Variants in BCOR observed in about 807,000 individuals in gnomAD.
BCOR encodes the protein BCL-6 corepressor.
In BCOR, 10 loss-of-function variants were observed where a neutral mutation model predicts 86.7. The observed-to-expected ratio is 0.12, with a 90% CI of 0.07 to 0.20. The LOEUF (loss-of-function observed/expected upper bound fraction) is 0.20, where lower values mean the gene tolerates loss of function less well. BCOR is among the 10% of genes least tolerant of loss of function. BCOR has a pLI of 1.00. For synonymous variants in BCOR, 611 were observed against 609.0 expected (o/e 1.00, Z -0.05); for missense variants, 1,259 against 1,452.1 (o/e 0.87, Z 2.16).
At chrX:40,172,909 T>C (rs1938660646) in intron 1 of BCOR, among the ~76,000 whole-genome samples, 1 of 112,870 alleles carries the variant, frequency 8.9e-6, no homozygotes, top group African/African-American at 3.2e-5. Flanking sequence ...CCCAGTCACC[T>C]CCGGCGGACG....
chrX:40,116,724 A>G (rs933949584), intron 1 of BCOR, among the ~76,000 whole-genome samples: 1 of 111,906 alleles, frequency 8.9e-6, no homozygotes, highest in Non-Finnish European at 1.9e-5. Context: ...TACTCTGCCA[A>G]TTGCACAAGT....
chrX:40,146,599 A>C (rs1938061037), intron 1 of BCOR: 1 of 112,457 alleles, frequency 8.9e-6, no homozygotes, highest in Admixed American at 9.2e-5. Context: ...AGCGATCAGC[A>C]GCTCTGCACG....
chrX:40,074,919 T>C lies in BCOR; in HGVS notation c.427A>G (p.Asn143Asp), dbSNP rs1446473852. The change falls in exon 4 of 15, where the codon AAT (asparagine) becomes GAT (aspartate). Residue 143 changes from asparagine to aspartate, a missense_variant. By Grantham distance (23) the Asn-to-Asp change is conservative. Transcript: ENST00000378444. ...GTTTTGTATATAGCACTGAAGCCAT[T>C]TGGGGGTTTTCCAGAGACGGCAGAA... ...EASAVSGKPPNGFSAIYKTPP... is the reference protein window; with the variant it reads ...EASAVSGKPPDGFSAIYKTPP... 8 of 1,211,202 alleles carry C rather than the reference T, an allele frequency of 6.6e-6. No individual in the cohort carries two copies. The highest frequency in any genetic ancestry group is 7.8e-6 in the Non-Finnish European group (7 of 895,350).
chrX:40,062,697 G>A (rs772183536), intron 9 of BCOR, 49 bp downstream of exon 9: 3 of 1,111,695 alleles, frequency 2.7e-6, no homozygotes, highest in African/African-American at 1.8e-5. Flanking sequence ...GCAGGCAGGC[G>A]GGGATGTGTT....
upstream of BCOR, among the ~76,000 whole-genome samples, chrX:40,099,152 GT>G (rs1254870167): frequency 1.3e-4 from 14 of 111,475 alleles, no homozygotes. Flanking sequence ...GCCCGCAGCA[GT>G]TCAATTCAAT....
chrX:40,173,743 A>C (rs1326063042), intron 1 of BCOR, among the ~76,000 whole-genome samples: 1 of 112,081 alleles, frequency 8.9e-6, no homozygotes, highest in African/African-American at 3.2e-5. Context: ...GCTGGTTTCC[A>C]GGACCTCCAG....
upstream of BCOR, among the ~76,000 whole-genome samples, chrX:40,099,673 CACT>C (rs1937034352): frequency 8.9e-6 from 1 of 112,443 alleles, no homozygotes; most frequent in Admixed American, 9.4e-5. Context: ...AAATTAGACT[CACT>C]ACTGACTGTG....
At chrX:40,091,416 T>C (rs1384350339) in intron 1 of BCOR, among the ~76,000 whole-genome samples, 1 of 111,836 alleles carries the variant, frequency 8.9e-6, no homozygotes, top group Non-Finnish European at 1.9e-5. Context: ...TCTCTAATCA[T>C]GGAGAGCCGA....
chrX:40,063,701 T>C lies in BCOR; in HGVS notation c.3754A>G (p.Ile1252Val). 8.3e-7 allele frequency: 1 copy of C among 1,211,515 alleles called. No individual in the cohort carries two copies. The highest frequency in any genetic ancestry group is 1.1e-6 in the Non-Finnish European group (1 of 895,164). ...TTCCTGCCAGGTTTCTCTTCAGTGA[T>C]GTTAGTCCCCTGAGGAATGGCCTCA... ...QPEAIPQGTN[I>V]TEEKPGRKRA... Residue 1252 changes from isoleucine to valine, a missense_variant, in exon 8 of 15, where the codon ATC (isoleucine) becomes GTC (valine). Ile to Val is a conservative substitution (Grantham distance 29, BLOSUM62 3). Coordinates refer to ENST00000378444, the MANE Select transcript of BCOR (RefSeq NM_001123385.2).
At chrX:40,095,047 C>T (rs1214030952) in intron 1 of BCOR, among the ~76,000 whole-genome samples, 1 of 112,489 alleles carries the variant, frequency 8.9e-6, no homozygotes, top group Non-Finnish European at 1.9e-5. Flanking sequence ...CCGCGCGCTC[C>T]CCTAAACACC....
intron 4 of BCOR, 55 bp downstream of exon 4, chrX:40,072,294 A>C: frequency 3.5e-6 from 4 of 1,130,506 alleles, no homozygotes; most frequent in Non-Finnish European, 3.6e-6. Context: ...TCCTGTTTAC[A>C]CATTAAAAAA....
At chrX:40,158,385 C>G (rs771457664) in intron 1 of BCOR, among the ~76,000 whole-genome samples, 393 of 111,908 alleles carry the variant, frequency 3.5e-3, no homozygotes, top group Non-Finnish European at 5.4e-3. Context: ...GACCGCGGAG[C>G]CGCAGGCTGG....
At chrX:40,103,552 AAAT>A (rs1244814890) in intron 1 of BCOR, among the ~76,000 whole-genome samples, 3 of 110,754 alleles carry the variant, frequency 2.7e-5, no homozygotes, top group Non-Finnish European at 5.7e-5. Context: ...TTTGTTCTTA[AAAT>A]AATAATTTAA....
At position 40,071,278 on chromosome X, in the gene BCOR, C is replaced by T. The variant is rs1280836212; in HGVS notation, c.3052-119G>A. ...GAAAAGTGCCCAAAACCAACCACAG[C>T]TTATGAGATGTAACTCAGATATTTT... On this transcript the variant is annotated intron_variant, in intron 5 of 14. Coordinates refer to ENST00000378444, the MANE Select transcript of BCOR (RefSeq NM_001123385.2). 10 of 685,687 alleles carry T rather than the reference C, an allele frequency of 1.5e-5. No individual in the cohort carries two copies. In the African/African-American group the frequency reaches 1.8e-4, roughly 12 times the overall value. 56.5% of individuals were successfully genotyped at this position (685,687 alleles called of 1,213,427 possible). A position where few individuals can be genotyped will look rare whatever the true frequency, so the allele number is the denominator to read the frequency against.
chrX:40,054,835 T>C (rs1186593819), intron 12 of BCOR, among the ~76,000 whole-genome samples: 18 of 112,620 alleles, frequency 1.6e-4, no homozygotes, highest in Non-Finnish European at 1.9e-5. Context: ...ATAGCCTAAC[T>C]AAGCTGCTTC....
rs187913271 is a variant in BCOR at position 40,124,497 on chromosome X, G to A, written c.-40-46528C>T. On this transcript the variant is annotated intron_variant, in intron 1 of 14. Transcript: ENST00000342274. ...CATGTTGTCTGAAACTCCTGGGCTC[G>A]AGTGATCCGCCCACATCGGCTTCCC... 3.6e-5 allele frequency among the ~76,000 whole-genome samples: 4 copies of A among 110,925 alleles called. No individual in the cohort carries two copies. In the East Asian group the frequency reaches 1.1e-3, roughly 32 times the overall value.
chrX:40,138,141 G>A (rs764226137), intron 1 of BCOR, among the ~76,000 whole-genome samples: 15 of 111,560 alleles, frequency 1.3e-4, no homozygotes, highest in African/African-American at 4.5e-4. Context: ...TAGTAGAGAC[G>A]GGGTTTCTCC....
At chrX:40,172,843 C>T (rs764920331) in intron 1 of BCOR, among the ~76,000 whole-genome samples, 6 of 112,796 alleles carry the variant, frequency 5.3e-5, no homozygotes, top group Non-Finnish European at 1.1e-4. Context: ...CTCCGGCACC[C>T]GGGAGCACTG....
chrX:40,144,080 G>A (rs1413070984), intron 1 of BCOR, among the ~76,000 whole-genome samples: 3 of 101,019 alleles, frequency 3.0e-5, no homozygotes, highest in African/African-American at 1.1e-4. Context: ...ACCTGGAGGG[G>A]AAGAGGGAAG....
Sources: allele counts gnomAD v4.1 joint callset (sites outside exome capture counted in the v4.1 genomes callset), GRCh38; gene constraint gnomAD v4.1.1; transcripts MANE v1.5; gene names NCBI Gene and HGNC (gene_info 2026-07-23, HGNC 2026-07-21).